USH2A: variants seen among roughly 807,000 people sequenced by gnomAD.
USH2A encodes usherin.
In USH2A, 443 loss-of-function variants were observed where a neutral mutation model predicts 538.9. That is an observed-to-expected ratio of 0.82 (90% CI 0.76 to 0.89). The LOEUF (loss-of-function observed/expected upper bound fraction) is 0.89, where lower values mean the gene tolerates loss of function less well. Among genes scored for constraint, USH2A ranks in the 40% least tolerant of loss-of-function variants. USH2A has a pLI of 0.00. For synonymous variants in USH2A, 2,413 were observed against 2,273.5 expected, an observed-to-expected ratio of 1.06 and a Z score of -1.75; for missense variants, 6,633 against 6,324.8, an observed-to-expected ratio of 1.05 and a Z score of -1.65.
intron 3 of USH2A, among the ~76,000 whole-genome samples, chr1:216,386,731 T>A (rs889771223): frequency 6.6e-6 from 1 of 151,148 alleles, no homozygotes; most frequent in Admixed American, 6.6e-5. Flanking sequence ...GACGGGCACC[T>A]GTAGTCCCAG....
chr1:216,001,110 C>A (rs1466638112), intron 32 of USH2A, among the ~76,000 whole-genome samples: 1 of 152,108 alleles, frequency 6.6e-6, no homozygotes, highest in African/African-American at 2.4e-5. Context: ...TTGCTGTCAC[C>A]CCAGCACAAG....
At chr1:216,159,537 T>TACACACAC (rs60343349) in intron 21 of USH2A, among the ~76,000 whole-genome samples, 1,970 of 146,910 alleles carry the variant, frequency 0.013, 19 homozygotes, top group African/African-American at 0.024. Flanking sequence ...TTTATTTATG[T>TACACACAC]ACACACACAC....
intron 3 of USH2A, among the ~76,000 whole-genome samples, chr1:216,371,729 C>T (rs573256503): frequency 3.0e-4 from 46 of 152,208 alleles, no homozygotes; most frequent in African/African-American, 1.1e-3. Flanking sequence ...ATGTCATTTG[C>T]AAATTTGATG....
At chr1:216,241,498 T>C (rs1358497234) in intron 13 of USH2A, among the ~76,000 whole-genome samples, 1 of 152,068 alleles carries the variant, frequency 6.6e-6, no homozygotes, top group African/African-American at 2.4e-5. Context: ...TTCCTGGCTC[T>C]TTTTTTGGAG....
Position 215,900,149 on chromosome 1 carries a change from A to G in USH2A, c.7520T>C (p.Met2507Thr), listed in dbSNP as rs745836040. ...TCCATTGGAGGCAACCAACCGAAAC[A>G]TATACTCTGTGTACGGTTGGAGATC... ...VSDLQPYTEY[M>T]FRLVASNGFG... Residue 2507 changes from methionine to threonine, a missense_variant, in exon 40 of 72, where the codon ATG becomes ACG. Met to Thr is a moderately conservative substitution (Grantham distance 81). Transcript: ENST00000307340. 1.9e-6 allele frequency: 3 copies of G among 1,613,808 alleles called. No individual in the cohort carries two copies. The highest frequency in any genetic ancestry group is 2.5e-6 in the Non-Finnish European group (3 of 1,179,792).
chr1:215,852,384 G>T (rs569447615), intron 44 of USH2A, among the ~76,000 whole-genome samples: 1 of 152,220 alleles, frequency 6.6e-6, no homozygotes, highest in Admixed American at 6.5e-5. Flanking sequence ...CTCCCACTGG[G>T]TCCCTCCCAT....
intron 20 of USH2A, among the ~76,000 whole-genome samples, chr1:216,179,943 G>A (rs898609185): frequency 1.3e-5 from 2 of 152,080 alleles, no homozygotes; most frequent in African/African-American, 4.8e-5. Context: ...ACTTTTTAAT[G>A]TCTAAATCTG....
chr1:215,953,328 A>G (rs1362685000), intron 37 of USH2A, among the ~76,000 whole-genome samples: 2 of 152,238 alleles, frequency 1.3e-5, no homozygotes, highest in African/African-American at 4.8e-5. Context: ...CTACAAGGCT[A>G]CAGTAACCAA....
chr1:215,724,018 G>T (rs1272360065), intron 61 of USH2A, among the ~76,000 whole-genome samples: 1 of 152,060 alleles, frequency 6.6e-6, no homozygotes, highest in Non-Finnish European at 1.5e-5. Context: ...CAATAGCAAA[G>T]ATATTGAATC....
chr1:216,009,353 T>C (rs1439138299), intron 32 of USH2A, among the ~76,000 whole-genome samples: 1 of 152,118 alleles, frequency 6.6e-6, no homozygotes, highest in African/African-American at 2.4e-5. Context: ...AATCTAAGTG[T>C]CTTATTTTCT....
intron 17 of USH2A, 113 bp from the exon 18 acceptor site, chr1:216,198,697 T>C: frequency 2.1e-6 from 2 of 955,206 alleles, no homozygotes; most frequent in Admixed American, 4.6e-5. Flanking sequence ...TCTTTCTAAT[T>C]AGATTACTGT....
In USH2A at chr1:216,292,301, A is replaced by G. The variant is rs760365249; in HGVS notation, c.1714T>C (p.Cys572Arg). ...TGGCTGTTGCATTGACAAGGTTTAC[A>G]ATTGAAAGCGTAAACTTGATCACCT... ...RQGDQVYAFN[C>R]KPCQCNSHSK... Residue 572 changes from cysteine (C) to arginine (R), a missense_variant, in exon 10 of 72, where the codon TGT (cysteine) becomes CGT (arginine). By Grantham distance (180) the Cys-to-Arg change is radical. Coordinates refer to ENST00000307340, the MANE Select transcript of USH2A (RefSeq NM_206933.4). 2.5e-6 allele frequency: 4 copies of G among 1,614,102 alleles called. No homozygotes were observed. The South Asian group carries it at 4.4e-5, about 18-fold the overall frequency.
intron 48 of USH2A, among the ~76,000 whole-genome samples, chr1:215,814,881 A>G (rs1324868048): frequency 6.6e-6 from 1 of 152,206 alleles, no homozygotes; most frequent in African/African-American, 2.4e-5. Flanking sequence ...CTCTGGGACT[A>G]GAGCTATGAA....
At chr1:216,410,101 T>C (rs1244892787) in intron 3 of USH2A, among the ~76,000 whole-genome samples, 3 of 151,744 alleles carry the variant, frequency 2.0e-5, no homozygotes, top group Non-Finnish European at 2.9e-5. Flanking sequence ...CCAACAAGCA[T>C]ATGATCGCTG....
intron 32 of USH2A, among the ~76,000 whole-genome samples, chr1:216,040,877 A>C (rs1163264718): frequency 6.6e-6 from 1 of 152,044 alleles, no homozygotes; most frequent in African/African-American, 2.4e-5. Context: ...AGATCTTGGA[A>C]AAAAAGATAA....
chr1:216,157,302 A>C (rs1195312195), intron 21 of USH2A, among the ~76,000 whole-genome samples: 1 of 152,240 alleles, frequency 6.6e-6, no homozygotes, highest in Admixed American at 6.5e-5. Context: ...CAGAATGTTT[A>C]TTATTAAAAA....
intron 32 of USH2A, among the ~76,000 whole-genome samples, chr1:216,027,670 T>G (rs1460944599): frequency 6.6e-6 from 1 of 152,200 alleles, no homozygotes; most frequent in Non-Finnish European, 1.5e-5. Context: ...TTTCCACTTT[T>G]ATCTCCTCAA....
At chr1:216,211,351 G>A (rs2035237021) in intron 15 of USH2A, among the ~76,000 whole-genome samples, 1 of 152,110 alleles carries the variant, frequency 6.6e-6, no homozygotes, top group African/African-American at 2.4e-5. Context: ...CCCCTCACCC[G>A]TGGAATCTGC....
At chr1:215,821,734 C>T (rs1663022358) in intron 47 of USH2A, among the ~76,000 whole-genome samples, 1 of 151,772 alleles carries the variant, frequency 6.6e-6, no homozygotes, top group African/African-American at 2.4e-5. Flanking sequence ...ATTGGTTTTA[C>T]AGTTTCAGGT....
Sources: gnomAD v4.1 joint callset for allele counts (sites outside exome capture counted in the v4.1 genomes callset) on GRCh38, gnomAD v4.1.1 for gene constraint, MANE v1.5 for transcripts, NCBI Gene and HGNC (gene_info 2026-07-23, HGNC 2026-07-21) for gene names.